Variants in RUFY3 observed in about 807,000 individuals in gnomAD.
RUFY3 encodes protein RUFY3.
Under a neutral mutation model 84.0 loss-of-function variants are expected in RUFY3, and 34 were observed. The observed-to-expected ratio is 0.40, with a 90% CI of 0.31 to 0.54. The LOEUF (loss-of-function observed/expected upper bound fraction) is 0.54. RUFY3 is among the 20% of genes least tolerant of loss of function. RUFY3 has a pLI of 0.39. For synonymous variants in RUFY3, 242 were observed against 252.9 expected (o/e 0.96, Z 0.41); for missense variants, 507 against 736.8 (o/e 0.69, Z 3.61).
intron 12 of RUFY3, chr4:70,791,563 A>G (rs1037118197): frequency 3.4e-5 from 43 of 1,268,164 alleles, no homozygotes; most frequent in Non-Finnish European, 4.1e-5. Flanking sequence ...GAGTTGACCA[A>G]TAAATAAAAA....
intron 6 of RUFY3, among the ~76,000 whole-genome samples, chr4:70,774,107 A>G (rs1176790228): frequency 3.3e-5 from 5 of 152,204 alleles, no homozygotes; most frequent in Admixed American, 1.3e-4. Context: ...CTTTTTATAA[A>G]TTTAGCCATT....
At chr4:70,741,742 C>G in intron 1 of RUFY3, 1 of 1,229,230 alleles carries the variant, frequency 8.1e-7, no homozygotes, top group South Asian at 1.6e-5. Context: ...TTCTAACCAC[C>G]TTTTAATTGT....
chr4:70,758,129 T>A (rs184328198), intron 1 of RUFY3, among the ~76,000 whole-genome samples: 3 of 152,346 alleles, frequency 2.0e-5, no homozygotes, highest in African/African-American at 7.2e-5. Flanking sequence ...CATGCTTGCA[T>A]AATAAACACC....
chr4:70,753,804 A>G (rs1723529193), intron 1 of RUFY3, among the ~76,000 whole-genome samples: 1 of 152,168 alleles, frequency 6.6e-6, no homozygotes, highest in South Asian at 2.1e-4. Context: ...CATTATGACT[A>G]TTATGAATGT....
intron 13 of RUFY3, 186 bp from the exon 14 acceptor site, chr4:70,794,609 T>C: frequency 1.7e-6 from 1 of 594,310 alleles, no homozygotes; most frequent in Non-Finnish European, 2.9e-6. Flanking sequence ...ACAGGTTAAA[T>C]GTGTCCAGAT....
chr4:70,806,458 C>T, intron 17 of RUFY3, 58 bp from the exon 18 acceptor site: 2 of 1,597,390 alleles, frequency 1.3e-6, no homozygotes, highest in Non-Finnish European at 1.7e-6. Context: ...TTTTATATCC[C>T]ATGAATCCTT....
intron 1 of RUFY3, among the ~76,000 whole-genome samples, chr4:70,716,845 C>CAAAAA (rs531822773): frequency 8.3e-5 from 6 of 72,332 alleles, no homozygotes; most frequent in East Asian, 4.8e-4. Context: ...AACTCTGTCT[C>CAAAAA]AAAAAAAAAA....
chr4:70,736,152 C>T (rs1245255381), intron 1 of RUFY3, among the ~76,000 whole-genome samples: 1 of 60,868 alleles, frequency 1.6e-5, no homozygotes, highest in Non-Finnish European at 3.3e-5. Flanking sequence ...GACCCTGTCT[C>T]AAAAAAAAAA....
intron 8 of RUFY3, among the ~76,000 whole-genome samples, chr4:70,778,826 C>T (rs1322297839): frequency 6.6e-6 from 1 of 151,964 alleles, no homozygotes; most frequent in South Asian, 2.1e-4. Flanking sequence ...GTGATCCACC[C>T]GCCTCAGCCT....
chr4:70,804,116 G>A (rs963722727), intron 16 of RUFY3, among the ~76,000 whole-genome samples: 1 of 152,080 alleles, frequency 6.6e-6, no homozygotes, highest in Non-Finnish European at 1.5e-5. Flanking sequence ...ACTTGCATGT[G>A]TTTGAATTTT....
chr4:70,710,633 G>A (rs991551874), intron 1 of RUFY3, among the ~76,000 whole-genome samples: 2 of 151,996 alleles, frequency 1.3e-5, no homozygotes, highest in Admixed American at 6.5e-5. Flanking sequence ...TTGCGCCATT[G>A]TACTCCAGCC....
At chr4:70,725,422 C>T (rs1055731486) in intron 1 of RUFY3, among the ~76,000 whole-genome samples, 1 of 151,784 alleles carries the variant, frequency 6.6e-6, no homozygotes, top group African/African-American at 2.4e-5. Flanking sequence ...ACTCTGCCTA[C>T]CGGGTTCAAG....
chr4:70,782,108 A>G (rs1438984844), intron 8 of RUFY3, among the ~76,000 whole-genome samples: 1 of 152,148 alleles, frequency 6.6e-6, no homozygotes, highest in African/African-American at 2.4e-5. Flanking sequence ...AAGATCTTAT[A>G]GAGCGTTTGT....
At chr4:70,746,957 T>A (rs1469960940) in intron 1 of RUFY3, among the ~76,000 whole-genome samples, 3 of 152,176 alleles carry the variant, frequency 2.0e-5, no homozygotes, top group Admixed American at 2.0e-4. Flanking sequence ...ATCCTTGTCG[T>A]GATGGAAATG....
intron 1 of RUFY3, among the ~76,000 whole-genome samples, chr4:70,745,836 A>C (rs1437402416): frequency 6.6e-6 from 1 of 152,220 alleles, no homozygotes; most frequent in Non-Finnish European, 1.5e-5. Flanking sequence ...CTATAATCCC[A>C]GTACTTTGCG....
At chr4:70,705,426 A>G in intron 1 of RUFY3, 1 of 577,396 alleles carries the variant, frequency 1.7e-6, no homozygotes, top group South Asian at 4.0e-5. Flanking sequence ...CGGGGGCTTT[A>G]GGGGCTACCC....
chr4:70,726,958 A>G (rs1718352949), intron 1 of RUFY3, among the ~76,000 whole-genome samples: 1 of 150,882 alleles, frequency 6.6e-6, no homozygotes, highest in East Asian at 1.9e-4. Flanking sequence ...TTAGGGAAAC[A>G]TGTACCACCA....
chr4:70,749,417 A>T (rs1372680617), intron 1 of RUFY3, among the ~76,000 whole-genome samples: 4 of 152,092 alleles, frequency 2.6e-5, no homozygotes. Context: ...TAATCTATTA[A>T]AGATTAGAGA....
chr4:70,730,994 A>G (rs1183222537), intron 1 of RUFY3, among the ~76,000 whole-genome samples: 1 of 151,978 alleles, frequency 6.6e-6, no homozygotes, highest in Non-Finnish European at 1.5e-5. Flanking sequence ...CAGCATGCAG[A>G]TAAGGCCAAA....
Sources: gnomAD v4.1 joint callset for allele counts (sites outside exome capture counted in the v4.1 genomes callset) on GRCh38, gnomAD v4.1.1 for gene constraint, MANE v1.5 for transcripts, NCBI Gene and HGNC (gene_info 2026-07-23, HGNC 2026-07-21) for gene names.